Variants in NPFFR2 observed in about 807,000 individuals in gnomAD.
NPFFR2 encodes the protein G-protein coupled receptor 74.
Under a neutral mutation model 13.1 loss-of-function variants are expected in NPFFR2, and 15 were observed. That is an observed-to-expected ratio of 1.15 (90% CI 0.77 to 1.76). The LOEUF is 1.76. Among genes scored for constraint, NPFFR2 ranks in the 40% most tolerant of loss-of-function variants. The pLI, the probability that NPFFR2 is intolerant of heterozygous loss-of-function variation, is 0.00. For missense variants in NPFFR2, 572 were observed against 503.5 expected, an observed-to-expected ratio of 1.14 and a Z score of -1.30; for synonymous variants, 190 against 175.7, an observed-to-expected ratio of 1.08 and a Z score of -0.65.
chr4:72,057,048 A>G (rs1719770751), intron 1 of NPFFR2, among the ~76,000 whole-genome samples: 1 of 152,046 alleles, frequency 6.6e-6, no homozygotes, highest in Non-Finnish European at 1.5e-5. Context: ...ATAAAGTGAT[A>G]TATTGAAGCC....
At chr4:72,117,182 G>A (rs1024348508) in intron 1 of NPFFR2, among the ~76,000 whole-genome samples, 5 of 152,028 alleles carry the variant, frequency 3.3e-5, no homozygotes, top group South Asian at 2.1e-4. Context: ...GTTGTAGCCC[G>A]GCAGGACTGA....
chr4:72,053,341 A>T (rs989418621), intron 1 of NPFFR2, among the ~76,000 whole-genome samples: 1 of 151,888 alleles, frequency 6.6e-6, no homozygotes, highest in African/African-American at 2.4e-5. Flanking sequence ...CATGGAAGAG[A>T]TAATGAGAGA....
chr4:72,116,425 G>A (rs948457549), intron 1 of NPFFR2, among the ~76,000 whole-genome samples: 63 of 151,574 alleles, frequency 4.2e-4, no homozygotes, highest in African/African-American at 1.5e-3. Flanking sequence ...GATGGGAAGG[G>A]AAGGAAGGGG....
chr4:72,058,288 G>C (rs1719819065), intron 1 of NPFFR2, among the ~76,000 whole-genome samples: 1 of 151,700 alleles, frequency 6.6e-6, no homozygotes, highest in Admixed American at 6.6e-5. Flanking sequence ...AGAAAATTTA[G>C]TAAATATGGC....
chr4:72,072,110 T>C (rs889089964), intron 1 of NPFFR2, among the ~76,000 whole-genome samples: 1 of 152,078 alleles, frequency 6.6e-6, no homozygotes, highest in Non-Finnish European at 1.5e-5. Flanking sequence ...AGAGGAAGGA[T>C]TCAGTTTCCA....
At chr4:72,037,228 A>AT (rs2109751824) in intron 1 of NPFFR2, among the ~76,000 whole-genome samples, 1 of 150,184 alleles carries the variant, frequency 6.7e-6, no homozygotes, top group East Asian at 2.1e-4. Flanking sequence ...GTGCCTACAA[A>AT]TTAAAAAAAA....
intron 1 of NPFFR2, among the ~76,000 whole-genome samples, chr4:72,070,309 C>T (rs1720204963): frequency 6.6e-6 from 1 of 152,092 alleles, no homozygotes; most frequent in Admixed American, 6.6e-5. Context: ...GCCTTTGGCC[C>T]CTCACTTCAC....
intron 1 of NPFFR2, among the ~76,000 whole-genome samples, chr4:72,076,650 C>T (rs1720445517): frequency 6.6e-6 from 1 of 152,152 alleles, no homozygotes; most frequent in Admixed American, 6.6e-5. Context: ...GGGGTAAAGA[C>T]AGCATCATTT....
intron 1 of NPFFR2, among the ~76,000 whole-genome samples, chr4:72,093,753 T>G (rs1002241164): frequency 6.6e-6 from 1 of 152,094 alleles, no homozygotes; most frequent in African/African-American, 2.4e-5. Context: ...TTTTTTTATT[T>G]CTTTAAGTTG....
intron 3 of NPFFR2, among the ~76,000 whole-genome samples, chr4:72,139,331 C>T (rs1722521646): frequency 6.6e-6 from 1 of 152,124 alleles, no homozygotes; most frequent in Non-Finnish European, 1.5e-5. Flanking sequence ...GAAGTCCTTG[C>T]CCATTCCTAT....
chr4:72,109,761 G>A (rs192850590), intron 1 of NPFFR2, among the ~76,000 whole-genome samples: 3 of 152,032 alleles, frequency 2.0e-5, no homozygotes, highest in South Asian at 2.1e-4. Context: ...ACAACAACAA[G>A]GCCATTGGCT....
intron 1 of NPFFR2, among the ~76,000 whole-genome samples, chr4:72,066,243 A>C (rs1485597799): frequency 1.3e-5 from 2 of 152,100 alleles, no homozygotes; most frequent in African/African-American, 4.8e-5. Context: ...ACACCTAGTG[A>C]AGGCTCTTTC....
intron 1 of NPFFR2, among the ~76,000 whole-genome samples, chr4:72,085,009 T>C (rs56262058): frequency 0.53 from 79,803 of 151,906 alleles, 23,773 homozygotes; most frequent in Non-Finnish European, 0.67. Context: ...TTACAGACAA[T>C]CATGCTGTTC....
At chr4:72,134,994 T>TGAGAAC (rs1256555212) in intron 2 of NPFFR2, among the ~76,000 whole-genome samples, 24 of 152,304 alleles carry the variant, frequency 1.6e-4, no homozygotes, top group Admixed American at 3.3e-4. Context: ...TGTCTGCAAG[T>TGAGAAC]ATCTTTATTC....
intron 1 of NPFFR2, among the ~76,000 whole-genome samples, chr4:72,051,203 G>A (rs766221294): frequency 5.9e-5 from 9 of 151,686 alleles, no homozygotes; most frequent in Non-Finnish European, 8.8e-5. Context: ...CTTCCACAAT[G>A]GTTGAACTCG....
At chr4:72,093,710 A>C (rs947770588) in intron 1 of NPFFR2, among the ~76,000 whole-genome samples, 2 of 149,192 alleles carry the variant, frequency 1.3e-5, no homozygotes, top group Non-Finnish European at 1.5e-5. Context: ...ATGCTATTTT[A>C]CTGGAGATTT....
In NPFFR2 at chr4:72,070,481, C is replaced by T. The variant is rs191344696; in HGVS notation, c.-8+38281C>T. Among the ~76,000 whole-genome samples the T allele has an allele frequency of 2.3e-3, 351 of 150,574 alleles. 5 individuals are homozygous for T. Among genetic ancestry groups the T allele is most frequent in the African/African-American group, 7.9e-3 (322 of 40,696 alleles). ...TCCTTGGCTACAAGTATCAATAATACGGGTGGCATCAGTCCAAAGTTGGAC... is the reference window on the plus strand; with the variant it reads ...TCCTTGGCTACAAGTATCAATAATATGGGTGGCATCAGTCCAAAGTTGGAC... On this transcript the variant is annotated intron_variant, in intron 1 of 3. Coordinates refer to ENST00000308744, the MANE Select transcript of NPFFR2 (RefSeq NM_004885.3).
intron 1 of NPFFR2, among the ~76,000 whole-genome samples, chr4:72,049,433 T>C (rs1202814371): frequency 6.6e-6 from 1 of 152,052 alleles, no homozygotes; most frequent in Non-Finnish European, 1.5e-5. Context: ...TTTTGCAGGG[T>C]GATTGTTCTG....
intron 3 of NPFFR2, among the ~76,000 whole-genome samples, chr4:72,138,508 G>A (rs956354977): frequency 6.6e-5 from 10 of 151,146 alleles, no homozygotes; most frequent in African/African-American, 2.4e-4. Context: ...GAGAACATGT[G>A]GTGTTTGGTT....
Sources: gnomAD v4.1 joint callset for allele counts (sites outside exome capture counted in the v4.1 genomes callset) on GRCh38, gnomAD v4.1.1 for gene constraint, MANE v1.5 for transcripts, NCBI Gene and HGNC (gene_info 2026-07-23, HGNC 2026-07-21) for gene names.